The following WWOX variants were observed in gnomAD, a reference collection of about 807,000 sequenced individuals.
The protein encoded by WWOX is WW domain-containing oxidoreductase.
WWOX carries 69 observed loss-of-function variants against 46.2 expected under a neutral mutation model. The ratio of observed to expected loss-of-function variants is 1.49; its 90% confidence interval spans 1.23 to 1.82. The LOEUF (loss-of-function observed/expected upper bound fraction) is 1.82, where lower values mean the gene tolerates loss of function less well. Ranked by LOEUF, WWOX falls within the 40% of genes most tolerant of loss-of-function variation. The pLI, the probability that WWOX is intolerant of heterozygous loss-of-function variation, is 0.00. For missense variants in WWOX, 919 were observed against 542.6 expected (o/e 1.69, Z -6.89); for synonymous variants, 359 against 202.6 (o/e 1.77, Z -6.56).
intron 8 of WWOX, among the ~76,000 whole-genome samples, chr16:78,634,810 T>TGG (rs1227908916): frequency 9.8e-6 from 1 of 101,860 alleles, no homozygotes; most frequent in Non-Finnish European, 2.1e-5. Context: ...AGCACCCGAC[T>TGG]GGAGAGAGAG....
At chr16:78,272,994 A>G (rs1470958777) in intron 5 of WWOX, among the ~76,000 whole-genome samples, 1 of 152,174 alleles carries the variant, frequency 6.6e-6, no homozygotes. Context: ...TACTGATTAC[A>G]GGGATTTTTG....
intron 8 of WWOX, chr16:78,526,534 C>T (rs1252456562): frequency 1.3e-5 from 2 of 152,228 alleles, no homozygotes; most frequent in African/African-American, 4.8e-5. Context: ...TCTCCCTTTT[C>T]CATGGGCCCA....
At chr16:78,442,811 C>G (rs930188012) in intron 8 of WWOX, among the ~76,000 whole-genome samples, 6 of 151,870 alleles carry the variant, frequency 4.0e-5, no homozygotes, top group African/African-American at 9.7e-5. Context: ...GAAATTCTGT[C>G]TCTACTAAAA....
intron 8 of WWOX, among the ~76,000 whole-genome samples, chr16:78,943,403 C>G (rs962302737): frequency 6.7e-6 from 1 of 149,656 alleles, no homozygotes; most frequent in African/African-American, 2.6e-5. Context: ...CGCCACTCCC[C>G]CAGGCCAGAT....
At chr16:78,216,969 T>A (rs2036743031) in intron 5 of WWOX, among the ~76,000 whole-genome samples, 1 of 152,184 alleles carries the variant, frequency 6.6e-6, no homozygotes, top group Admixed American at 6.5e-5. Flanking sequence ...GTGATCTGCC[T>A]GCCTTGGCCT....
chr16:78,994,885 G>A (rs2046956259), intron 8 of WWOX, among the ~76,000 whole-genome samples: 1 of 151,410 alleles, frequency 6.6e-6, no homozygotes, highest in Admixed American at 6.6e-5. Context: ...GAAAAAGGTG[G>A]AAAGAAATAC....
intron 5 of WWOX, among the ~76,000 whole-genome samples, chr16:78,174,306 G>A (rs189268106): frequency 6.6e-6 from 1 of 152,318 alleles, no homozygotes; most frequent in African/African-American, 2.4e-5. Flanking sequence ...GAAACTGCCT[G>A]ATAAACCCAT....
intron 8 of WWOX, among the ~76,000 whole-genome samples, chr16:78,834,952 T>A (rs2051937583): frequency 6.6e-6 from 1 of 152,236 alleles, no homozygotes; most frequent in Non-Finnish European, 1.5e-5. Context: ...ATTGAAGGGC[T>A]GTCAGGAACC....
At chr16:79,059,467 T>A (rs1284783512) in intron 8 of WWOX, among the ~76,000 whole-genome samples, 3 of 152,230 alleles carry the variant, frequency 2.0e-5, no homozygotes, top group Admixed American at 6.5e-5. Context: ...GAATTTGCCA[T>A]TGCATCTCAG....
At chr16:78,830,828 T>G (rs2051800093) in intron 8 of WWOX, among the ~76,000 whole-genome samples, 1 of 152,074 alleles carries the variant, frequency 6.6e-6, no homozygotes, top group Admixed American at 6.5e-5. Flanking sequence ...AAATGACTAT[T>G]TCTGTCGTTT....
intron 8 of WWOX, among the ~76,000 whole-genome samples, chr16:78,538,292 G>A (rs868135648): frequency 2.0e-5 from 3 of 148,710 alleles, no homozygotes; most frequent in African/African-American, 5.0e-5. Context: ...TATTTTGGAT[G>A]TCTGGGGTTG....
intron 8 of WWOX, among the ~76,000 whole-genome samples, chr16:79,199,864 G>C (rs1276501281): frequency 6.6e-6 from 1 of 152,158 alleles, no homozygotes; most frequent in Non-Finnish European, 1.5e-5. Flanking sequence ...ATTTCTAAGA[G>C]GATGAATCCT....
chr16:78,234,262 C>T (rs1597382868), intron 5 of WWOX, among the ~76,000 whole-genome samples: 1 of 152,070 alleles, frequency 6.6e-6, no homozygotes, highest in East Asian at 1.9e-4. Flanking sequence ...CCTAAATTTT[C>T]CAGTCTAGGT....
At chr16:78,878,086 A>C (rs911064319) in intron 8 of WWOX, among the ~76,000 whole-genome samples, 2 of 152,206 alleles carry the variant, frequency 1.3e-5, no homozygotes, top group African/African-American at 4.8e-5. Flanking sequence ...TAGCATAACT[A>C]GTACTGGCTC....
At chr16:78,565,841 T>C (rs1268441002) in intron 8 of WWOX, among the ~76,000 whole-genome samples, 1 of 152,156 alleles carries the variant, frequency 6.6e-6, no homozygotes, top group African/African-American at 2.4e-5. Context: ...CTTATGAAGC[T>C]GTCCCAGCTC....
At chr16:79,069,427 G>A (rs1216711388) in intron 8 of WWOX, among the ~76,000 whole-genome samples, 1 of 152,090 alleles carries the variant, frequency 6.6e-6, no homozygotes, top group Non-Finnish European at 1.5e-5. Context: ...GTGGTTTAAA[G>A]ACCTTTACAT....
chr16:78,245,097 A>G (rs961405685), intron 5 of WWOX, among the ~76,000 whole-genome samples: 34 of 152,320 alleles, frequency 2.2e-4, no homozygotes, highest in African/African-American at 7.9e-4. Flanking sequence ...CTGCAATTCA[A>G]ATATTCCAGA....
At chr16:79,185,258 C>CA (rs1408484502) in intron 8 of WWOX, among the ~76,000 whole-genome samples, 1 of 152,194 alleles carries the variant, frequency 6.6e-6, no homozygotes, top group Non-Finnish European at 1.5e-5. Context: ...CTGAACCAGA[C>CA]AGGAAACTGC....
chr16:78,548,171 A>C (rs1290265908), intron 8 of WWOX, among the ~76,000 whole-genome samples: 1 of 74,858 alleles, frequency 1.3e-5, no homozygotes, highest in Non-Finnish European at 3.6e-5. Flanking sequence ...AAAAAAAAAA[A>C]AAAAAAATTA....
Sources: gnomAD v4.1 joint callset for allele counts (sites outside exome capture counted in the v4.1 genomes callset) on GRCh38, gnomAD v4.1.1 for gene constraint, MANE v1.5 for transcripts, NCBI Gene and HGNC (gene_info 2026-07-23, HGNC 2026-07-21) for gene names.